Variants in OGDH observed in about 807,000 individuals in gnomAD.
OGDH encodes oxoglutarate dehydrogenase, also known as 2-oxoglutarate dehydrogenase complex component E1.
A neutral mutation model predicts 116.6 loss-of-function variants in OGDH; 38 were observed. The ratio of observed to expected loss-of-function variants is 0.33; its 90% confidence interval spans 0.25 to 0.43. The LOEUF is 0.43. Among genes scored for constraint, OGDH ranks in the 20% least tolerant of loss-of-function variants. The pLI is 1.00. For synonymous variants in OGDH, 488 were observed against 533.3 expected (o/e 0.92, Z 1.17); for missense variants, 825 against 1,357.2 (o/e 0.61, Z 6.16).
At position 44,707,201 on chromosome 7, in the gene OGDH, C is replaced by A; in HGVS notation, c.2633-24C>A. On this transcript the variant is annotated intron_variant, in intron 20 of 22. Transcript: ENST00000222673. The surrounding 1 kb of genome is among the most constrained non-coding windows in gnomAD (Gnocchi z 5.2). ...CAGCCACATACCTGAGAGAACCAGC[C>A]TAGCCATGGGAACTCTCTTGTAGGA... 1 of 1,612,606 alleles carries A rather than the reference C, an allele frequency of 6.2e-7. No homozygotes were observed. The highest frequency in any genetic ancestry group is 8.5e-7 in the Non-Finnish European group (1 of 1,179,120).
At chr7:44,618,428 C>T (rs1252357406) in intron 1 of OGDH, among the ~76,000 whole-genome samples, 1 of 151,400 alleles carries the variant, frequency 6.6e-6, no homozygotes, top group Non-Finnish European at 1.5e-5. Context: ...TCTGCCCCAG[C>T]CCCAGGCAAC....
At chr7:44,625,047 T>C (rs186971804) in intron 2 of OGDH, among the ~76,000 whole-genome samples, 2 of 152,334 alleles carry the variant, frequency 1.3e-5, no homozygotes, top group East Asian at 3.9e-4. Flanking sequence ...GTATTACATA[T>C]AAGGGCATTT....
At chr7:44,613,473 G>T (rs1235202164) in intron 1 of OGDH, among the ~76,000 whole-genome samples, 1 of 152,070 alleles carries the variant, frequency 6.6e-6, no homozygotes, top group Non-Finnish European at 1.5e-5. Context: ...CCATTCTTCT[G>T]CTCAGTCTCC....
intron 10 of OGDH, among the ~76,000 whole-genome samples, chr7:44,688,209 A>T (rs1415012557): frequency 1.3e-5 from 2 of 151,870 alleles, no homozygotes; most frequent in Non-Finnish European, 2.9e-5. Flanking sequence ...CGTCTCTACT[A>T]AAAATACAAA....
In OGDH at chr7:44,674,130, C is replaced by T. The variant is rs1014148637; in HGVS notation, c.788+189C>T. 5.3e-5 allele frequency among the ~76,000 whole-genome samples: 8 copies of T among 152,298 alleles called. No individual in the cohort carries two copies. The East Asian group carries it at 9.6e-4, about 18-fold the overall frequency. ...TAGAGTCAGCCTTCAGAGCAACCTC[C>T]GCCTCCTGAATTCAAGTGATTCTCT... On this transcript the variant is annotated intron_variant, in intron 6 of 22. Transcript: ENST00000222673.
At position 44,708,747 on chromosome 7, in the gene OGDH, C is replaced by G. The variant is rs1285310148; in HGVS notation, c.*748C>G. 2 of 152,286 alleles carry G rather than the reference C, an allele frequency of 1.3e-5. No homozygotes were observed. The highest frequency in any genetic ancestry group is 6.5e-5 in the Admixed American group (1 of 15,278). The allele number at this position is 152,286 out of a possible 1,614,324, so 9.4% of individuals were successfully genotyped here. The stretch of plus-strand genomic sequence containing the variant: ...GTAGCCACCACCGGGGCACTGGCTG[C>G]TCTGTCTTGGTCCTGTTAACCCTCC... On this transcript the variant is annotated 3_prime_UTR_variant, in exon 23 of 23. Coordinates refer to ENST00000222673, the MANE Select transcript of OGDH (RefSeq NM_002541.4).
chr7:44,613,875 C>G (rs1184561821), intron 1 of OGDH, among the ~76,000 whole-genome samples: 1 of 143,938 alleles, frequency 6.9e-6, no homozygotes, highest in Non-Finnish European at 1.5e-5. Flanking sequence ...GGCGTGATCT[C>G]AGCTCACTGC....
chr7:44,645,570 T>C, intron 3 of OGDH, 52 bp downstream of exon 3: 1 of 1,551,566 alleles, frequency 6.4e-7, no homozygotes. Context: ...GTTCCTTAGG[T>C]CATGCCTCAT....
chr7:44,689,253 T>C (rs1277991398), intron 10 of OGDH, among the ~76,000 whole-genome samples: 1 of 141,488 alleles, frequency 7.1e-6, no homozygotes, highest in Non-Finnish European at 1.5e-5. Context: ...TCTTACCCCG[T>C]CACCCACGCT....
intron 3 of OGDH, chr7:44,647,373 C>T (rs1585280802): frequency 9.8e-7 from 1 of 1,022,096 alleles, no homozygotes; most frequent in Non-Finnish European, 1.5e-6. Context: ...TTTGCATAAC[C>T]TGTGACTCTT....
At chr7:44,706,639 T>TG (rs397734164) in intron 20 of OGDH, among the ~76,000 whole-genome samples, 16 of 149,568 alleles carry the variant, frequency 1.1e-4, no homozygotes, top group Admixed American at 6.0e-4. Flanking sequence ...TTTTTTTTTT[T>TG]GTCTGGAGAT....
chr7:44,705,086 T>C (rs1336831083), intron 20 of OGDH, among the ~76,000 whole-genome samples: 4 of 125,938 alleles, frequency 3.2e-5, no homozygotes, highest in Admixed American at 8.2e-5. Context: ...GGAGTCTCGC[T>C]CTGTCGCCCA....
chr7:44,703,677 G>A (rs1345300045), intron 20 of OGDH, among the ~76,000 whole-genome samples: 4 of 152,062 alleles, frequency 2.6e-5, no homozygotes, highest in South Asian at 2.1e-4. Context: ...CCAAGATTGC[G>A]CCACTGCATT....
At chr7:44,656,668 G>A (rs1272305759) in intron 4 of OGDH, among the ~76,000 whole-genome samples, 1 of 152,182 alleles carries the variant, frequency 6.6e-6, no homozygotes, top group Non-Finnish European at 1.5e-5. Flanking sequence ...TTTAGCTGCT[G>A]CCATAGCCAG....
intron 4 of OGDH, among the ~76,000 whole-genome samples, chr7:44,655,780 A>G (rs1786664845): frequency 6.6e-6 from 1 of 152,250 alleles, no homozygotes; most frequent in African/African-American, 2.4e-5. Context: ...GTTTTCAGCT[A>G]GCAAGCACTT....
chr7:44,643,947 C>T (rs957445656), intron 2 of OGDH, among the ~76,000 whole-genome samples: 4 of 152,296 alleles, frequency 2.6e-5, no homozygotes, highest in Admixed American at 1.3e-4. Context: ...TGGCTTACGC[C>T]TGTAATCCCA....
intron 9 of OGDH, 126 bp from the exon 10 acceptor site, chr7:44,681,594 C>T (rs1200017187): frequency 1.2e-5 from 16 of 1,356,948 alleles, no homozygotes; most frequent in African/African-American, 8.7e-5. Flanking sequence ...TTTCCTGCTA[C>T]TTTCTATGTT....
In OGDH at chr7:44,697,885, T is replaced by A; in HGVS notation, c.2358+103T>A. 3.0e-6 allele frequency: 4 copies of A among 1,316,388 alleles called. No individual in the cohort carries two copies. The highest frequency in any genetic ancestry group is 4.1e-6 in the Non-Finnish European group (4 of 974,698). 81.5% of individuals were successfully genotyped at this position (1,316,388 alleles called of 1,614,324 possible). ...CGAGAGCCAGTGGCTCACACCAGCC[T>A]CCTAAGGACTCTGCTGGTGCTTCCC... On this transcript the variant is annotated intron_variant, in intron 17 of 22. Coordinates refer to ENST00000222673, the MANE Select transcript of OGDH (RefSeq NM_002541.4). This position sits in a 1 kb window ranked among gnomAD's most constrained non-coding sequence, Gnocchi z 6.0.
intron 4 of OGDH, among the ~76,000 whole-genome samples, chr7:44,666,015 G>A (rs1036939446): frequency 4.6e-5 from 7 of 152,184 alleles, no homozygotes; most frequent in Non-Finnish European, 7.3e-5. Context: ...GTTGGTTCCC[G>A]CTGAGTGATT....
Sources: allele counts gnomAD v4.1 joint callset (sites outside exome capture counted in the v4.1 genomes callset), GRCh38; gene constraint gnomAD v4.1.1; non-coding constraint Gnocchi (gnomAD v3.1); transcripts MANE v1.5; gene names NCBI Gene and HGNC (gene_info 2026-07-23, HGNC 2026-07-21).